The following EDIL3 variants were observed in gnomAD, a reference collection of about 807,000 sequenced individuals.
EDIL3 encodes EGF like and discoidin domains 3.
Under a neutral mutation model 67.4 loss-of-function variants are expected in EDIL3, and 37 were observed. That is an observed-to-expected ratio of 0.55 (90% confidence interval 0.42 to 0.72). EDIL3 has a LOEUF of 0.72. Ranked by LOEUF, EDIL3 falls within the 30% of genes least tolerant of loss-of-function variation. The pLI is 0.00. For missense variants in EDIL3, 527 were observed against 586.3 expected, an observed-to-expected ratio of 0.90 and a Z score of 1.04; for synonymous variants, 195 against 196.3, an observed-to-expected ratio of 0.99 and a Z score of 0.05.
At chr5:84,264,200 T>G (rs972201415) in intron 1 of EDIL3, among the ~76,000 whole-genome samples, 3 of 152,152 alleles carry the variant, frequency 2.0e-5, no homozygotes, top group African/African-American at 4.8e-5. Flanking sequence ...GAGCCGAGAC[T>G]GTGCATCTGC....
chr5:84,293,972 G>T (rs2112121937), intron 1 of EDIL3, among the ~76,000 whole-genome samples: 1 of 151,942 alleles, frequency 6.6e-6, no homozygotes, highest in African/African-American at 2.4e-5. Context: ...TATCCCATTT[G>T]CAAATGTTTA....
chr5:84,198,510 A>G (rs903733294), intron 3 of EDIL3, among the ~76,000 whole-genome samples: 6 of 152,118 alleles, frequency 3.9e-5, no homozygotes, highest in Non-Finnish European at 7.4e-5. Flanking sequence ...CTTAAGGATT[A>G]ACATACTCAG....
intron 1 of EDIL3, among the ~76,000 whole-genome samples, chr5:84,298,719 A>G (rs1746097616): frequency 6.6e-6 from 1 of 152,166 alleles, no homozygotes; most frequent in Non-Finnish European, 1.5e-5. Context: ...TCTTGCCAAA[A>G]TCATATATAA....
chr5:84,094,361 G>A lies in EDIL3; in HGVS notation c.651+12288C>T, dbSNP rs373414951. 3.3e-5 allele frequency among the ~76,000 whole-genome samples: 5 copies of A among 152,212 alleles called. No individual in the cohort carries two copies. The South Asian group carries it at 1.0e-3, about 32-fold the overall frequency. On this transcript the variant is annotated intron_variant, in intron 6 of 10. Transcript: ENST00000296591. ...ATAATTAGCTTTAAAGAGGTGTATG[G>A]TAAGAATGGGAATATAGTTTAGTAT...
At chr5:84,063,772 G>A (rs986225529) in intron 8 of EDIL3, among the ~76,000 whole-genome samples, 1 of 152,054 alleles carries the variant, frequency 6.6e-6, no homozygotes, top group African/African-American at 2.4e-5. Flanking sequence ...TTTAGATTTG[G>A]TAAAGGTTTT....
chr5:84,334,315 C>T (rs565171661), intron 1 of EDIL3, among the ~76,000 whole-genome samples: 20 of 152,184 alleles, frequency 1.3e-4, no homozygotes, highest in Non-Finnish European at 2.4e-4. Context: ...CCACCCACCT[C>T]GGCCCCCCAA....
chr5:84,038,965 A>T (rs925707738), intron 9 of EDIL3, among the ~76,000 whole-genome samples: 2 of 152,190 alleles, frequency 1.3e-5, no homozygotes, highest in African/African-American at 4.8e-5. Flanking sequence ...GATACCATTC[A>T]GCCTTTCAAC....
intron 3 of EDIL3, among the ~76,000 whole-genome samples, chr5:84,191,771 A>C (rs933809178): frequency 1.3e-4 from 20 of 152,056 alleles, no homozygotes; most frequent in African/African-American, 4.8e-4. Context: ...GCAACAGTTA[A>C]CTTTGTTTTC....
At chr5:83,964,933 T>C (rs1744664164) in intron 9 of EDIL3, among the ~76,000 whole-genome samples, 1 of 152,042 alleles carries the variant, frequency 6.6e-6, no homozygotes, top group Non-Finnish European at 1.5e-5. Flanking sequence ...GCAAATGTTT[T>C]CTTCTGGGTC....
chr5:84,066,329 C>T, intron 7 of EDIL3, 122 bp downstream of exon 7: 1 of 1,115,958 alleles, frequency 9.0e-7, no homozygotes, highest in African/African-American at 1.6e-5. Flanking sequence ...CAATTAAAAA[C>T]AAGACGCATT....
At chr5:84,042,476 T>A (rs907202815) in intron 9 of EDIL3, among the ~76,000 whole-genome samples, 2 of 152,088 alleles carry the variant, frequency 1.3e-5, no homozygotes, top group Non-Finnish European at 2.9e-5. Context: ...GACATGGGGT[T>A]TCACCACATT....
intron 4 of EDIL3, among the ~76,000 whole-genome samples, chr5:84,155,125 G>C (rs1748467955): frequency 6.6e-6 from 1 of 151,948 alleles, no homozygotes; most frequent in African/African-American, 2.4e-5. Flanking sequence ...TCTATTTTTT[G>C]TGTCCTCTTT....
At chr5:84,306,008 C>T (rs1037191865) in intron 1 of EDIL3, among the ~76,000 whole-genome samples, 7 of 151,948 alleles carry the variant, frequency 4.6e-5, no homozygotes, top group African/African-American at 1.4e-4. Context: ...TACAAATGAA[C>T]AAATTCCTGT....
At chr5:83,972,476 G>C (rs995220150) in intron 9 of EDIL3, among the ~76,000 whole-genome samples, 7 of 152,066 alleles carry the variant, frequency 4.6e-5, no homozygotes, top group African/African-American at 1.7e-4. Context: ...AGGATGATGG[G>C]AAGGGAATGA....
chr5:83,998,136 C>A (rs1428275003), intron 9 of EDIL3, among the ~76,000 whole-genome samples: 1 of 152,160 alleles, frequency 6.6e-6, no homozygotes, highest in Non-Finnish European at 1.5e-5. Flanking sequence ...ACACACGGCC[C>A]AGTGAGACAC....
chr5:84,384,755 G>T lies in EDIL3; in HGVS notation c.-381C>A, dbSNP rs1252898988. 1.3e-5 allele frequency: 2 copies of T among 153,802 alleles called. No homozygotes were observed. The highest frequency in any genetic ancestry group is 4.8e-5 in the African/African-American group (2 of 41,604). 9.5% of individuals were successfully genotyped at this position (153,802 alleles called of 1,614,324 possible). ...CGGCAGACAGGCGGACCGGGCGCTC[G>T]GCTGTCGCTGTTCTCCGCGCGGCGG... On this transcript the variant is annotated 5_prime_UTR_variant, in exon 1 of 11. Transcript: ENST00000296591.
At position 83,987,880 on chromosome 5, in the gene EDIL3, T is replaced by TAC. The variant is rs1220880270; in HGVS notation, c.1138-24521_1138-24520insGT. ...GTGTGTGTGTGTATGTATATATATA[T>TAC]ATATATATATATAGCTTAATAGTTT... On this transcript the variant is annotated intron_variant, in intron 9 of 10. Coordinates refer to ENST00000296591, the MANE Select transcript of EDIL3 (RefSeq NM_005711.5). Among the ~76,000 whole-genome samples, 15 of 149,340 alleles carry TAC rather than the reference T, an allele frequency of 1.0e-4. 1 individual carries two copies. The highest frequency in any genetic ancestry group is 3.0e-4 in the African/African-American group (12 of 40,454).
At position 83,964,201 on chromosome 5, in the gene EDIL3, T is replaced by C. The variant is rs113796216; in HGVS notation, c.1138-841A>G. On this transcript the variant is annotated intron_variant, in intron 9 of 10. Coordinates refer to ENST00000296591, the MANE Select transcript of EDIL3 (RefSeq NM_005711.5). ...AGAATAGTTCGGTATTTTCCCTTTTTTTCTTTAATTCATTCCTGCATTTTT... is the reference window on the plus strand; with the variant it reads ...AGAATAGTTCGGTATTTTCCCTTTTCTTCTTTAATTCATTCCTGCATTTTT... 1.1e-4 allele frequency among the ~76,000 whole-genome samples: 17 copies of C among 152,126 alleles called. No homozygotes were observed. In the South Asian group the frequency reaches 3.1e-3, roughly 28 times the overall value.
At chr5:84,033,543 A>G (rs895006215) in intron 9 of EDIL3, among the ~76,000 whole-genome samples, 3 of 151,966 alleles carry the variant, frequency 2.0e-5, no homozygotes, top group Non-Finnish European at 4.4e-5. Flanking sequence ...TCTACCTAAA[A>G]GAACAATAAA....
Sources: gnomAD v4.1 joint callset for allele counts (sites outside exome capture counted in the v4.1 genomes callset) on GRCh38, gnomAD v4.1.1 for gene constraint, MANE v1.5 for transcripts, NCBI Gene and HGNC (gene_info 2026-07-23, HGNC 2026-07-21) for gene names.